Variants in SLC46A1 observed in about 807,000 individuals in gnomAD.
SLC46A1 encodes the protein proton-coupled folate transporter.
In SLC46A1, 17 loss-of-function variants were observed where a neutral mutation model predicts 32.1. The observed-to-expected ratio is 0.53, with a 90% CI of 0.36 to 0.79. SLC46A1 has a LOEUF of 0.79. SLC46A1 is among the 30% of genes least tolerant of loss of function. The pLI is 0.00. For missense variants in SLC46A1, 517 were observed against 588.2 expected, an observed-to-expected ratio of 0.88 and a Z score of 1.25; for synonymous variants, 240 against 262.7, an observed-to-expected ratio of 0.91 and a Z score of 0.84.
rs782159153 is a variant in SLC46A1 at position 28,402,314 on chromosome 17, C to A, written c.1089G>T (p.Gly363=). 6.2e-7 allele frequency: 1 copy of A among 1,613,088 alleles called. No homozygotes were observed. The highest frequency in any genetic ancestry group is 1.1e-5 in the South Asian group (1 of 90,832). Residue 363 remains glycine (G), a synonymous_variant, in exon 3 of 5, where the codon GGG becomes GGT. Coordinates refer to ENST00000612814, the MANE Select transcript of SLC46A1 (RefSeq NM_080669.6). Reference sequence around the variant, plus strand: ...TGATGACTAATGACAGGAAAAGCAACCCATATCCTGTGGAGAAACAAACAC... The same window carrying A: ...TGATGACTAATGACAGGAAAAGCAAACCATATCCTGTGGAGAAACAAACAC... ...TITPLMFTGY[G]LLFLSLVITP...
In SLC46A1 at chr17:28,406,166, C is replaced by A. The variant is rs1384059043; in HGVS notation, c.-52G>T. On this transcript the variant is annotated 5_prime_UTR_variant, in exon 1 of 5. Coordinates refer to ENST00000612814, the MANE Select transcript of SLC46A1 (RefSeq NM_080669.6). The surrounding 1 kb of genome is among the most constrained non-coding windows in gnomAD (Gnocchi z 4.5). Reference sequence around the variant, plus strand: ...GGCGGGCGGCGGGGCGCGCGAGCGACTCGCTGCCTGGGACCAGCGACGCGT... The same window carrying A: ...GGCGGGCGGCGGGGCGCGCGAGCGAATCGCTGCCTGGGACCAGCGACGCGT... The A allele has an allele frequency of 3.9e-6, 5 of 1,293,718 alleles. No individual in the cohort carries two copies. The African/African-American group carries it at 6.3e-5, about 16-fold the overall frequency. The allele number at this position is 1,293,718 out of a possible 1,614,324, so 80.1% of individuals were successfully genotyped here. A position where few individuals can be genotyped will look rare whatever the true frequency, so the allele number is the denominator to read the frequency against.
In SLC46A1 at chr17:28,396,098, G is replaced by A; in HGVS notation, c.*3558C>T. 1 of 1,613,654 alleles carries A rather than the reference G, an allele frequency of 6.2e-7. No homozygotes were observed. Among genetic ancestry groups the A allele is most frequent in the Non-Finnish European group, 8.5e-7 (1 of 1,179,714 alleles). On this transcript the variant is annotated 3_prime_UTR_variant, in exon 5 of 5. Coordinates refer to ENST00000612814, the MANE Select transcript of SLC46A1 (RefSeq NM_080669.6). ...ATGACAGGCAGAGTGTGGGCAAACA[G>A]CTGACTAGCAGCTCCCTCTGCCCAG...
chr17:28,395,946 C>G lies in SLC46A1; in HGVS notation c.*3710G>C. Reference sequence around the variant, plus strand: ...TAAGCTGCGGCAAGAACATTGTGCCCATCATTGATGGCTTCGAGTGGCCTG... The same window carrying G: ...TAAGCTGCGGCAAGAACATTGTGCCGATCATTGATGGCTTCGAGTGGCCTG... On this transcript the variant is annotated 3_prime_UTR_variant, in exon 5 of 5. Coordinates refer to ENST00000612814, the MANE Select transcript of SLC46A1 (RefSeq NM_080669.6). 3 of 1,613,948 alleles carry G rather than the reference C, an allele frequency of 1.9e-6. No homozygotes were observed. Among genetic ancestry groups the G allele is most frequent in the Non-Finnish European group, 2.5e-6 (3 of 1,179,870 alleles).
intron 2 of SLC46A1, chr17:28,404,130 AGAG>A (rs1555590228): frequency 6.3e-6 from 1 of 158,700 alleles, no homozygotes; most frequent in African/African-American, 2.4e-5. Flanking sequence ...AGAAGGAGAA[AGAG>A]GAGAAGAGGA....
At chr17:28,405,764 C>A (rs1384785390) in intron 1 of SLC46A1, 123 bp downstream of exon 1, 2 of 1,170,640 alleles carry the variant, frequency 1.7e-6, no homozygotes, top group Non-Finnish European at 2.3e-6. Context: ...GTCCCGCCCA[C>A]CATCCAAAAT....
At chr17:28,400,574 C>T in intron 4 of SLC46A1, 36 bp downstream of exon 4, 1 of 1,610,686 alleles carries the variant, frequency 6.2e-7, no homozygotes, top group Non-Finnish European at 8.5e-7. Flanking sequence ...AGAGAAAGGG[C>T]TCCATTATGA....
Position 28,395,515 on chromosome 17 carries a change from C to T in SLC46A1, c.*4141G>A, listed in dbSNP as rs1282466776. Reference sequence around the variant, plus strand: ...ATTGAACTCAATCTCCAGCACCTCTCTGGAGGCTGGGAGGTGGGGCTGAAA... The same window carrying T: ...ATTGAACTCAATCTCCAGCACCTCTTTGGAGGCTGGGAGGTGGGGCTGAAA... On this transcript the variant is annotated 3_prime_UTR_variant, in exon 5 of 5. Transcript: ENST00000612814. 1 of 193,040 alleles carries T rather than the reference C, an allele frequency of 5.2e-6. No individual in the cohort carries two copies. Among genetic ancestry groups the T allele is most frequent in the East Asian group, 1.3e-4 (1 of 7,976 alleles). 12.0% of individuals were successfully genotyped at this position (193,040 alleles called of 1,614,324 possible). A position where few individuals can be genotyped will look rare whatever the true frequency, so the allele number is the denominator to read the frequency against.
In SLC46A1 at chr17:28,400,658, G is replaced by C. The variant is rs80338774; in HGVS notation, c.1274C>G (p.Pro425Arg). The C allele has an allele frequency of 6.2e-7, 1 of 1,613,698 alleles. No individual in the cohort carries two copies. The highest frequency in any genetic ancestry group is 1.7e-4 in the Middle Eastern group (1 of 5,990). Residue 425 changes from proline (P) to arginine (R), a missense_variant, in exon 4 of 5, where the codon CCC becomes CGC. Coordinates refer to ENST00000612814, the MANE Select transcript of SLC46A1 (RefSeq NM_080669.6). ...PATLNFMKGF[P>R]FLLGAGLLLI... ...CAGGAGGCCAGCTCCCAGGAGGAAG[G>C]GGAACCCCTTCATAAAGTTCAGAGT...
intron 1 of SLC46A1, 84 bp downstream of exon 1, chr17:28,405,802 AC>A: frequency 7.3e-7 from 1 of 1,377,756 alleles, no homozygotes; most frequent in Non-Finnish European, 9.8e-7. Flanking sequence ...ACCCGCCACT[AC>A]CATTACGCAG....
At chr17:28,402,133 G>C (rs782651479) in intron 3 of SLC46A1, 105 bp downstream of exon 3, 2 of 944,902 alleles carry the variant, frequency 2.1e-6, no homozygotes, top group Non-Finnish European at 3.2e-6. Flanking sequence ...TCTCCAGGGT[G>C]AGAGGGGGGA....
At chr17:28,400,318 T>C (rs2068180436) in intron 4 of SLC46A1, 2 of 414,968 alleles carry the variant, frequency 4.8e-6, no homozygotes, top group Non-Finnish European at 9.0e-6. Flanking sequence ...CTGCCATAGT[T>C]CCATCTATAA....
Position 28,398,142 on chromosome 17 carries a change from A to C in SLC46A1, c.*1514T>G, listed in dbSNP as rs1352715543. The C allele has an allele frequency of 1.3e-5, 2 of 152,294 alleles. No individual in the cohort carries two copies. The highest frequency in any genetic ancestry group is 4.8e-5 in the African/African-American group (2 of 41,414). The allele number at this position is 152,294 out of a possible 1,614,324, so 9.4% of individuals were successfully genotyped here. ...GCCCTCACAGGACAGCGCCAATAAC[A>C]ATACAGTGTCTGAGTATCTCCAGGG... is the stretch of plus-strand genomic sequence containing the variant. On this transcript the variant is annotated 3_prime_UTR_variant, in exon 5 of 5. Transcript: ENST00000612814.
In SLC46A1 at chr17:28,405,114, C is replaced by T. The variant is rs1555590727; in HGVS notation, c.583G>A (p.Ala195Thr). The T allele has an allele frequency of 1.9e-6, 3 of 1,613,406 alleles. No individual in the cohort carries two copies. The highest frequency in any genetic ancestry group is 1.7e-5 in the Admixed American group (1 of 60,006). Residue 195 changes from alanine (A) to threonine (T), a missense_variant, in exon 2 of 5, where the codon GCA becomes ACA. Coordinates refer to ENST00000612814, the MANE Select transcript of SLC46A1 (RefSeq NM_080669.6). ...EASIGVAGML[A>T]SLLGGHWLRA... is the part of the protein sequence containing the mutation. The stretch of plus-strand genomic sequence containing the variant: ...AGCCAGTGGCCCCCGAGGAGGCTTG[C>T]CAGCATCCCAGCCACCCCGATGCTG...
At chr17:28,406,281 T>G (rs1555591441), upstream of SLC46A1, 2 of 506,942 alleles carry the variant, frequency 3.9e-6, no homozygotes, top group African/African-American at 4.0e-5. The surrounding 1 kb of genome is among the most constrained non-coding windows in gnomAD (Gnocchi z 4.5). Context: ...GCCACCGGAC[T>G]CTCGCCGCGG....
intron 3 of SLC46A1, chr17:28,401,161 A>C: frequency 3.8e-6 from 1 of 264,720 alleles, no homozygotes; most frequent in Non-Finnish European, 7.4e-6. Flanking sequence ...TCCAATATTC[A>C]TAGCGGTGTC....
At position 28,399,701 on chromosome 17, in the gene SLC46A1, C is replaced by T; in HGVS notation, c.1335G>A (p.Lys445=). ...IPAVLIGMLE[K]ADPHLEFQQF... ...GCTGGAACTCGAGGTGAGGATCAGC[C>T]TTTTCCAGCATCCTGTGAGAGACCA... The change falls in exon 5 of 5, where the codon AAG becomes AAA. Residue 445 remains lysine (K), a synonymous_variant. Transcript: ENST00000612814. The T allele has an allele frequency of 6.2e-7, 1 of 1,613,936 alleles. No homozygotes were observed. The highest frequency in any genetic ancestry group is 8.5e-7 in the Non-Finnish European group (1 of 1,179,878).
chr17:28,400,723 C>T lies in SLC46A1; in HGVS notation c.1209G>A (p.Met403Ile), dbSNP rs782782249. The change falls in exon 4 of 5, where the codon ATG becomes ATA. Residue 403 changes from methionine to isoleucine, a missense_variant. Physicochemically the swap from Met to Ile is conservative, Grantham distance 10 (BLOSUM62 1). Coordinates refer to ENST00000612814, the MANE Select transcript of SLC46A1 (RefSeq NM_080669.6). ...AGTTGAAGATGCCGGAGGCCGTCAG[C>T]ATGGCCAGGCTATTCACACAGGCCA... Reference protein sequence around the residue: ...SAVACVNSLAMLTASGIFNSL... With the variant: ...SAVACVNSLAILTASGIFNSL... The T allele has an allele frequency of 1.9e-6, 3 of 1,600,640 alleles. No individual in the cohort carries two copies. The highest frequency in any genetic ancestry group is 2.6e-6 in the Non-Finnish European group (3 of 1,173,794).
chr17:28,395,890 C>A lies in SLC46A1; in HGVS notation c.*3766G>T. 6.2e-7 allele frequency: 1 copy of A among 1,613,376 alleles called. No individual in the cohort carries two copies. Among genetic ancestry groups the A allele is most frequent in the Non-Finnish European group, 8.5e-7 (1 of 1,179,868 alleles). ...GGGTACAGGGGTATCTTCCTCCTTT[C>A]CTTTCTTTCTCCAGGAGATTGTGAC... On this transcript the variant is annotated 3_prime_UTR_variant, in exon 5 of 5. Coordinates refer to ENST00000612814, the MANE Select transcript of SLC46A1 (RefSeq NM_080669.6).
Position 28,404,951 on chromosome 17 carries a change from C to T in SLC46A1, c.746G>A (p.Arg249Gln), listed in dbSNP as rs1555590603. Residue 249 changes from arginine (R) to glutamine (Q), a missense_variant, in exon 2 of 5, where the codon CGA becomes CAA. Arg to Gln is a conservative substitution (Grantham distance 43, BLOSUM62 1). Transcript: ENST00000612814. ...AGCCACATAGAGCTGGACAATGGAT[C>T]GGTGGTGACGGAACGTGAAGAGCCG... Reference protein sequence around the residue: ...STRLFTFRHHRSIVQLYVAPA... With the variant: ...STRLFTFRHHQSIVQLYVAPA... The T allele has an allele frequency of 1.9e-6, 3 of 1,613,914 alleles. No homozygotes were observed. Among genetic ancestry groups the T allele is most frequent in the East Asian group, 2.2e-5 (1 of 44,904 alleles).
Sources: gnomAD v4.1 joint callset for allele counts on GRCh38, gnomAD v4.1.1 for gene constraint, Gnocchi (gnomAD v3.1) non-coding constraint, MANE v1.5 for transcripts, NCBI Gene and HGNC (gene_info 2026-07-23, HGNC 2026-07-21) for gene names.